Variants in SUCLG2 observed in about 807,000 individuals in gnomAD.
SUCLG2 encodes the protein succinate--CoA ligase [GDP-forming] subunit beta, mitochondrial.
A neutral mutation model predicts 47.9 loss-of-function variants in SUCLG2; 42 were observed. The ratio of observed to expected loss-of-function variants is 0.88; its 90% CI spans 0.69 to 1.14. The LOEUF (loss-of-function observed/expected upper bound fraction) is 1.14, where lower values mean the gene tolerates loss of function less well. SUCLG2 is among the 50% of genes most tolerant of loss of function. The pLI is 0.00. For synonymous variants in SUCLG2, 195 were observed against 197.3 expected (o/e 0.99, Z 0.10); for missense variants, 571 against 525.9 (o/e 1.09, Z -0.84).
chr3:67,386,249 C>A (rs575765579), intron 10 of SUCLG2, among the ~76,000 whole-genome samples: 3 of 145,104 alleles, frequency 2.1e-5, no homozygotes, highest in African/African-American at 8.0e-5. Flanking sequence ...CCACCACGCC[C>A]GGCTAATTTT....
intron 4 of SUCLG2, among the ~76,000 whole-genome samples, chr3:67,523,884 G>C (rs1204690173): frequency 2.6e-5 from 4 of 152,132 alleles, no homozygotes; most frequent in African/African-American, 9.7e-5. Flanking sequence ...TAGGATAAGT[G>C]TCATTCAAGA....
chr3:67,429,119 C>T (rs1185397378), intron 9 of SUCLG2, among the ~76,000 whole-genome samples: 11 of 151,976 alleles, frequency 7.2e-5, no homozygotes, highest in African/African-American at 1.5e-4. Flanking sequence ...AGATACTCCT[C>T]GAGAAGAGCA....
intron 10 of SUCLG2, among the ~76,000 whole-genome samples, chr3:67,393,066 C>G (rs537940333): frequency 6.6e-6 from 1 of 152,312 alleles, no homozygotes; most frequent in South Asian, 2.1e-4. Flanking sequence ...TGGAACAGCT[C>G]CGGTCTACAG....
At chr3:67,397,064 T>C (rs1199818175) in intron 10 of SUCLG2, among the ~76,000 whole-genome samples, 1 of 151,250 alleles carries the variant, frequency 6.6e-6, no homozygotes, top group African/African-American at 2.4e-5. Flanking sequence ...ACAGCCAATA[T>C]CATACTGAAT....
chr3:67,615,621 A>AACACAC (rs60992383), intron 1 of SUCLG2, among the ~76,000 whole-genome samples: 5,326 of 142,096 alleles, frequency 0.037, 140 homozygotes, highest in African/African-American at 0.07. Flanking sequence ...CACAAACACA[A>AACACAC]ACACACACAC....
chr3:67,485,710 T>G (rs981368726), intron 9 of SUCLG2, among the ~76,000 whole-genome samples: 1 of 152,228 alleles, frequency 6.6e-6, no homozygotes, highest in Non-Finnish European at 1.5e-5. Context: ...ACAGCGATCA[T>G]TATTTAATAT....
chr3:67,440,072 C>G (rs1050045043), intron 9 of SUCLG2, among the ~76,000 whole-genome samples: 1 of 151,816 alleles, frequency 6.6e-6, no homozygotes. Flanking sequence ...TCAGAAATAA[C>G]GCCACACATC....
chr3:67,475,906 G>C (rs1400491651), intron 9 of SUCLG2, among the ~76,000 whole-genome samples: 1 of 151,600 alleles, frequency 6.6e-6, no homozygotes, highest in Non-Finnish European at 1.5e-5. Flanking sequence ...AATACTGCCT[G>C]GAAGGATAAC....
intron 2 of SUCLG2, among the ~76,000 whole-genome samples, chr3:67,571,476 C>G (rs1575786843): frequency 6.6e-6 from 1 of 152,292 alleles, no homozygotes; most frequent in East Asian, 1.9e-4. Flanking sequence ...GGCCAGTGTC[C>G]AAATGCCAAT....
chr3:67,435,683 T>C (rs979609183), intron 9 of SUCLG2, among the ~76,000 whole-genome samples: 2 of 152,196 alleles, frequency 1.3e-5, no homozygotes, highest in African/African-American at 4.8e-5. Flanking sequence ...AAAGAAAATA[T>C]TTTTTAGATG....
intron 1 of SUCLG2, among the ~76,000 whole-genome samples, chr3:67,646,614 A>C (rs1452004468): frequency 6.6e-6 from 1 of 152,110 alleles, no homozygotes; most frequent in Non-Finnish European, 1.5e-5. Context: ...AAATAAAAAT[A>C]AATAAATTCA....
At chr3:67,586,037 T>C (rs943665130) in intron 2 of SUCLG2, among the ~76,000 whole-genome samples, 1 of 148,876 alleles carries the variant, frequency 6.7e-6, no homozygotes, top group Non-Finnish European at 1.5e-5. Flanking sequence ...TTTTCCCTGA[T>C]AGATTTTCCT....
intron 6 of SUCLG2, among the ~76,000 whole-genome samples, chr3:67,516,798 A>T (rs780782338): frequency 6.6e-6 from 1 of 152,252 alleles, no homozygotes; most frequent in Non-Finnish European, 1.5e-5. Context: ...GGAGGCAGAC[A>T]GGGTCACTGT....
At chr3:67,545,129 A>G (rs1340291696) in intron 2 of SUCLG2, among the ~76,000 whole-genome samples, 1 of 152,222 alleles carries the variant, frequency 6.6e-6, no homozygotes, top group Non-Finnish European at 1.5e-5. Flanking sequence ...AGCATTATTT[A>G]GTAGCAACAA....
chr3:67,591,688 CT>C (rs1353266334), intron 2 of SUCLG2, among the ~76,000 whole-genome samples: 2 of 152,146 alleles, frequency 1.3e-5, no homozygotes, highest in East Asian at 1.9e-4. Context: ...CCAATTAAAT[CT>C]TTTTTTCTTC....
chr3:67,650,249 G>A (rs1701262893), intron 1 of SUCLG2, among the ~76,000 whole-genome samples: 1 of 152,196 alleles, frequency 6.6e-6, no homozygotes, highest in South Asian at 2.1e-4. Flanking sequence ...ATAAGAACTT[G>A]CCCATAACCT....
intron 2 of SUCLG2, among the ~76,000 whole-genome samples, chr3:67,601,729 G>A (rs1415599032): frequency 6.6e-6 from 1 of 152,076 alleles, no homozygotes; most frequent in Non-Finnish European, 1.5e-5. Flanking sequence ...CCTCCCAAAG[G>A]CCAGCAATTT....
At chr3:67,450,717 C>A (rs1301454660) in intron 9 of SUCLG2, among the ~76,000 whole-genome samples, 1 of 152,144 alleles carries the variant, frequency 6.6e-6, no homozygotes, top group Non-Finnish European at 1.5e-5. Context: ...TCAAGAATCA[C>A]CAGGTCCCAA....
At position 67,537,175 on chromosome 3, in the gene SUCLG2, T is replaced by C. The variant is rs148768500; in HGVS notation, c.227-7989A>G. ...AGTCATCTACCTTAGATATTTCTCC[T>C]AATTTTCTGTTATTTAAATCCGTTC... On this transcript the variant is annotated intron_variant, in intron 2 of 10. Coordinates refer to ENST00000307227, the MANE Select transcript of SUCLG2 (RefSeq NM_003848.4). 7.0e-3 allele frequency among the ~76,000 whole-genome samples: 1,063 copies of C among 151,760 alleles called. 4 individuals carry two copies. The highest frequency in any genetic ancestry group is 0.048 in the Middle Eastern group (14 of 294).
Sources: gnomAD v4.1 joint callset for allele counts (sites outside exome capture counted in the v4.1 genomes callset) on GRCh38, gnomAD v4.1.1 for gene constraint, MANE v1.5 for transcripts, NCBI Gene and HGNC (gene_info 2026-07-23, HGNC 2026-07-21) for gene names.